MAML2: variants seen among roughly 807,000 people sequenced by gnomAD.
MAML2 encodes mastermind like transcriptional coactivator 2.
Under a neutral mutation model 96.1 loss-of-function variants are expected in MAML2, and 22 were observed. The ratio of observed to expected loss-of-function variants is 0.23; its 90% CI spans 0.16 to 0.33. The LOEUF (loss-of-function observed/expected upper bound fraction) is 0.33. Among genes scored for constraint, MAML2 ranks in the 10% least tolerant of loss-of-function variants. The pLI, the probability that MAML2 is intolerant of heterozygous loss-of-function variation, is 1.00. For synonymous variants in MAML2, 561 were observed against 521.3 expected, an observed-to-expected ratio of 1.08 and a Z score of -1.04; for missense variants, 1,367 against 1,392.4, an observed-to-expected ratio of 0.98 and a Z score of 0.29.
chr11:96,025,953 T>C (rs1004047242), intron 2 of MAML2, among the ~76,000 whole-genome samples: 4 of 152,204 alleles, frequency 2.6e-5, no homozygotes, highest in Non-Finnish European at 5.9e-5. Context: ...AGCTAACATT[T>C]ATTGAGGGCT....
At chr11:96,100,502 G>A (rs553771414) in intron 1 of MAML2, among the ~76,000 whole-genome samples, 4 of 151,794 alleles carry the variant, frequency 2.6e-5, no homozygotes, top group Non-Finnish European at 4.4e-5. Flanking sequence ...TAGAGACAGG[G>A]TTTCACCATG....
At chr11:96,056,682 A>G (rs1859075551) in intron 2 of MAML2, among the ~76,000 whole-genome samples, 2 of 152,164 alleles carry the variant, frequency 1.3e-5, no homozygotes, top group Admixed American at 6.5e-5. Context: ...AATAAAATGT[A>G]CCTTTGACAT....
chr11:96,084,958 C>T (rs1039837675), intron 2 of MAML2, among the ~76,000 whole-genome samples: 1 of 152,302 alleles, frequency 6.6e-6, no homozygotes, highest in African/African-American at 2.4e-5. Flanking sequence ...ACAGGTCAAC[C>T]ACCCCTGTTC....
intron 2 of MAML2, among the ~76,000 whole-genome samples, chr11:96,065,636 C>T (rs1432578594): frequency 6.6e-6 from 1 of 152,206 alleles, no homozygotes; most frequent in Non-Finnish European, 1.5e-5. Flanking sequence ...ATGCCAGGAA[C>T]TACAGTAACT....
chr11:96,185,080 C>T (rs1216077441), intron 1 of MAML2, among the ~76,000 whole-genome samples: 3 of 152,112 alleles, frequency 2.0e-5, no homozygotes, highest in African/African-American at 7.2e-5. Context: ...TACATAAAGA[C>T]TTTGAGTGCT....
intron 2 of MAML2, among the ~76,000 whole-genome samples, chr11:96,080,492 A>G (rs886528424): frequency 6.6e-6 from 1 of 152,244 alleles, no homozygotes; most frequent in Non-Finnish European, 1.5e-5. Flanking sequence ...TGGAATCATA[A>G]AATTCAAAAT....
intron 2 of MAML2, among the ~76,000 whole-genome samples, chr11:96,039,156 G>A (rs1858764791): frequency 1.3e-5 from 2 of 152,078 alleles, no homozygotes; most frequent in South Asian, 4.1e-4. Context: ...TTGGGAGGCT[G>A]AAGCAGAAGG....
intron 2 of MAML2, among the ~76,000 whole-genome samples, chr11:96,082,663 G>A (rs1321723303): frequency 3.9e-5 from 6 of 152,218 alleles, no homozygotes; most frequent in Admixed American, 3.3e-4. Flanking sequence ...TAACTAGAAC[G>A]CCAGTTACTG....
intron 1 of MAML2, among the ~76,000 whole-genome samples, chr11:96,227,625 G>A (rs1862233647): frequency 6.6e-6 from 1 of 152,176 alleles, no homozygotes; most frequent in Non-Finnish European, 1.5e-5. Flanking sequence ...TCCTCTCTGA[G>A]ATTCATTCAG....
Position 96,157,653 on chromosome 11 carries a change from T to A in MAML2, c.514-64136A>T, listed in dbSNP as rs564099088. 3.3e-5 allele frequency among the ~76,000 whole-genome samples: 5 copies of A among 152,388 alleles called. No homozygotes were observed. The South Asian group carries it at 1.0e-3, about 32-fold the overall frequency. ...TAAAAGGGTATTTTACTTATCTGTA[T>A]GTATCTATGATCTACCCATTTATCT... On this transcript the variant is annotated intron_variant, in intron 1 of 4. Coordinates refer to ENST00000524717, the MANE Select transcript of MAML2 (RefSeq NM_032427.4).
intron 1 of MAML2, among the ~76,000 whole-genome samples, chr11:96,316,466 A>C (rs1422678430): frequency 2.6e-5 from 4 of 152,202 alleles, no homozygotes; most frequent in African/African-American, 9.7e-5. Flanking sequence ...TAAGGCTACC[A>C]TTCATGTTGA....
chr11:96,176,184 C>T (rs114232352), intron 1 of MAML2, among the ~76,000 whole-genome samples: 4 of 152,220 alleles, frequency 2.6e-5, no homozygotes, highest in African/African-American at 9.6e-5. Flanking sequence ...AAAGCCAGTA[C>T]TTAAAGCAAG....
rs76845445 is a variant in MAML2 at position 96,064,793 on chromosome 11, A to G, written c.2139+27099T>C. On this transcript the variant is annotated intron_variant, in intron 2 of 4. Coordinates refer to ENST00000524717, the MANE Select transcript of MAML2 (RefSeq NM_032427.4). ...AAGGAACTAACAATGTAAAGTGCTT[A>G]GAACAGTGCCTAGCACAAAATAAAT... Among the ~76,000 whole-genome samples, 332 of 152,374 alleles carry G rather than the reference A, an allele frequency of 2.2e-3. 1 individual carries two copies. The highest frequency in any genetic ancestry group is 7.5e-3 in the African/African-American group (312 of 41,594).
intron 1 of MAML2, among the ~76,000 whole-genome samples, chr11:96,314,207 C>A (rs1266482078): frequency 6.6e-6 from 1 of 152,226 alleles, no homozygotes; most frequent in South Asian, 2.1e-4. Flanking sequence ...GATTTAAAGA[C>A]AGAAAACCAA....
chr11:96,228,248 T>C lies in MAML2; in HGVS notation c.513+113135A>G, dbSNP rs1021997309. Among the ~76,000 whole-genome samples, 85 of 152,158 alleles carry C rather than the reference T, an allele frequency of 5.6e-4. 3 individuals are homozygous for C. The highest frequency in any genetic ancestry group is 1.9e-4 in the Non-Finnish European group (13 of 68,014). ...TTTTTGCTGCCTGGCTAACTCCCCA[T>C]GGCATCAGCTAACTTCAATCACTCC... On this transcript the variant is annotated intron_variant, in intron 1 of 4. Coordinates refer to ENST00000524717, the MANE Select transcript of MAML2 (RefSeq NM_032427.4).
At chr11:96,326,958 A>C (rs1863794435) in intron 1 of MAML2, among the ~76,000 whole-genome samples, 2 of 152,214 alleles carry the variant, frequency 1.3e-5, no homozygotes, top group Admixed American at 1.3e-4. Context: ...ATTGAACGGA[A>C]TATAGGAAAC....
At chr11:96,211,557 C>T (rs1861971912) in intron 1 of MAML2, among the ~76,000 whole-genome samples, 1 of 151,744 alleles carries the variant, frequency 6.6e-6, no homozygotes, top group African/African-American at 2.4e-5. Flanking sequence ...GAAATACTGA[C>T]TTGCAGGGGC....
At chr11:96,124,630 A>G (rs556882779) in intron 1 of MAML2, among the ~76,000 whole-genome samples, 29 of 152,238 alleles carry the variant, frequency 1.9e-4, no homozygotes, top group Admixed American at 7.8e-4. Context: ...CCTTCTCCTT[A>G]TCATCATCAT....
rs371226069 is a variant in MAML2, at chr11:96,063,849, A to C, written c.2139+28043T>G. On this transcript the variant is annotated intron_variant, in intron 2 of 4. Coordinates refer to ENST00000524717, the MANE Select transcript of MAML2 (RefSeq NM_032427.4). Reference sequence around the variant, plus strand: ...TCTCTGTTATTGCATTTGATTTGCAAATTTAGTCTAAATATTCTTTTTTGC... The same window carrying C: ...TCTCTGTTATTGCATTTGATTTGCACATTTAGTCTAAATATTCTTTTTTGC... Among the ~76,000 whole-genome samples the C allele has an allele frequency of 5.3e-5, 8 of 152,340 alleles. No homozygotes were observed. In the South Asian group the frequency reaches 1.7e-3, roughly 32 times the overall value.
Sources: gnomAD v4.1 joint callset for allele counts (sites outside exome capture counted in the v4.1 genomes callset) on GRCh38, gnomAD v4.1.1 for gene constraint, MANE v1.5 for transcripts, NCBI Gene and HGNC (gene_info 2026-07-23, HGNC 2026-07-21) for gene names.